Variants in RNF126 observed in about 807,000 individuals in gnomAD.
The protein encoded by RNF126 is ring finger protein 126, also known as E3 ubiquitin-protein ligase RNF126.
In RNF126, 20 loss-of-function variants were observed where a neutral mutation model predicts 41.9. The ratio of observed to expected loss-of-function variants is 0.48; its 90% CI spans 0.34 to 0.69. RNF126 has a LOEUF of 0.69. RNF126 is among the 30% of genes least tolerant of loss of function. The probability of loss-of-function intolerance (pLI) is 0.01; values close to 1 mark genes in which losing one functional copy is unlikely to be tolerated. For missense variants in RNF126, 433 were observed against 460.6 expected, an observed-to-expected ratio of 0.94 and a Z score of 0.55; for synonymous variants, 239 against 202.9, an observed-to-expected ratio of 1.18 and a Z score of -1.51.
chr19:649,011 CG>C, intron 6 of RNF126, 36 bp from the exon 7 acceptor site: 2 of 1,104,488 alleles, frequency 1.8e-6, no homozygotes, highest in Non-Finnish European at 2.4e-6. Context: ...GGGAGCTCCT[CG>C]GGGGCCCGGC....
intron 1 of RNF126, among the ~76,000 whole-genome samples, chr19:653,093 G>A (rs567619548): frequency 5.1e-4 from 78 of 152,252 alleles, no homozygotes; most frequent in South Asian, 8.3e-4. Flanking sequence ...GGTGGCTCCC[G>A]GCGATCTGAG....
chr19:649,770 C>G, intron 5 of RNF126, 22 bp from the exon 6 acceptor site: 1 of 1,552,034 alleles, frequency 6.4e-7, no homozygotes, highest in African/African-American at 1.4e-5. Flanking sequence ...AGGTGGGGTT[C>G]AAGTGGCTGA....
At chr19:656,855 G>A (rs1433337630) in intron 1 of RNF126, among the ~76,000 whole-genome samples, 1 of 152,208 alleles carries the variant, frequency 6.6e-6, no homozygotes, top group African/African-American at 2.4e-5. Context: ...CTGAACCCCT[G>A]GTTTCTGCCG....
At chr19:649,557 G>C in intron 6 of RNF126, 122 bp downstream of exon 6, 1 of 745,634 alleles carries the variant, frequency 1.3e-6, no homozygotes, top group South Asian at 1.7e-5. Flanking sequence ...GAGCGTGGAG[G>C]CTGTGCCCGC....
At chr19:651,527 G>T in intron 4 of RNF126, 84 bp downstream of exon 4, 3 of 1,307,518 alleles carry the variant, frequency 2.3e-6, no homozygotes, top group Non-Finnish European at 2.9e-6. Context: ...CCACGTTTCC[G>T]TGGAACCCGT....
chr19:649,545 C>T, intron 6 of RNF126, 134 bp downstream of exon 6: 1 of 686,144 alleles, frequency 1.5e-6, no homozygotes. Flanking sequence ...CTGTGCCCGC[C>T]AGAGCGTGGA....
At chr19:652,635 G>A in intron 2 of RNF126, 191 bp downstream of exon 2, 1 of 624,122 alleles carries the variant, frequency 1.6e-6, no homozygotes, top group Non-Finnish European at 2.8e-6. Context: ...ACTCCCCTCT[G>A]GCCCCGGCCC....
intron 1 of RNF126, among the ~76,000 whole-genome samples, chr19:653,958 C>CA (rs1169709770): frequency 1.3e-5 from 2 of 152,096 alleles, no homozygotes; most frequent in African/African-American, 4.8e-5. Context: ...CAAGGTCGAC[C>CA]CCAGGCTCTG....
chr19:660,950 C>T (rs2030775729), intron 1 of RNF126, among the ~76,000 whole-genome samples: 1 of 152,262 alleles, frequency 6.6e-6, no homozygotes, highest in African/African-American at 2.4e-5. Context: ...CGGGCAGGCC[C>T]CCGCAGCCCT....
rs1164961451 is a variant in RNF126, at chr19:650,830, G to C, written c.444-534C>G. On this transcript the variant is annotated intron_variant, in intron 4 of 8. Transcript: ENST00000292363. ...CTGGTCTCAAACTCCTGACCTCAGT[G>C]ATCTGCCCGCCTCGGCCTCCCAAAG... Among the ~76,000 whole-genome samples the C allele has an allele frequency of 2.6e-5, 4 of 152,018 alleles. No individual in the cohort carries two copies. The East Asian group carries it at 7.7e-4, about 29-fold the overall frequency.
intron 1 of RNF126, among the ~76,000 whole-genome samples, chr19:660,416 C>T (rs903686171): frequency 6.6e-6 from 1 of 152,212 alleles, no homozygotes; most frequent in Non-Finnish European, 1.5e-5. Flanking sequence ...GCAGCCAGTC[C>T]CCCCTGCGTC....
chr19:651,418 C>G, intron 4 of RNF126, 193 bp downstream of exon 4: 1 of 497,246 alleles, frequency 2.0e-6, no homozygotes, highest in Non-Finnish European at 3.3e-6. Context: ...CCCACACACC[C>G]TGAACCGGCA....
intron 2 of RNF126, 181 bp downstream of exon 2, chr19:652,645 C>A: frequency 1.6e-6 from 1 of 633,678 alleles, no homozygotes; most frequent in Non-Finnish European, 2.8e-6. Flanking sequence ...GGCCCCGGCC[C>A]GGCCATCACA....
chr19:650,504 A>T lies in RNF126; in HGVS notation c.444-208T>A, dbSNP rs190000476. On this transcript the variant is annotated intron_variant, in intron 4 of 8. Coordinates refer to ENST00000292363, the MANE Select transcript of RNF126 (RefSeq NM_194460.3). The stretch of plus-strand genomic sequence containing the variant: ...TTGATCTTGGTTCACTGCAGCCCCA[A>T]CCTGCTGGGCTTAAGCGATCCTCCC... 5 of 459,726 alleles carry T rather than the reference A, an allele frequency of 1.1e-5. No homozygotes were observed. The Admixed American group carries it at 1.9e-4, about 18-fold the overall frequency. 28.5% of individuals were successfully genotyped at this position (459,726 alleles called of 1,614,324 possible).
intron 1 of RNF126, 92 bp from the exon 2 acceptor site, chr19:652,976 C>A: frequency 8.1e-7 from 1 of 1,236,328 alleles, no homozygotes; most frequent in Admixed American, 2.0e-5. Flanking sequence ...CCGGACCCAG[C>A]GGTCTCTGGC....
Position 647,905 on chromosome 19 carries a change from G to A in RNF126, c.*223C>T, listed in dbSNP as rs758776393. ...GTTTAGAGGGTGAGGTTAGACAGAGGACGGGGAGGCTGGGGACGCCCCAGA... is the reference window on the plus strand; with the variant it reads ...GTTTAGAGGGTGAGGTTAGACAGAGAACGGGGAGGCTGGGGACGCCCCAGA... On this transcript the variant is annotated 3_prime_UTR_variant, in exon 9 of 9. Transcript: ENST00000292363. 34 of 638,726 alleles carry A rather than the reference G, an allele frequency of 5.3e-5. No individual in the cohort carries two copies. The highest frequency in any genetic ancestry group is 2.5e-4 in the South Asian group (14 of 56,862). The allele number at this position is 638,726 out of a possible 1,614,324, so 39.6% of individuals were successfully genotyped here. A position where few individuals can be genotyped will look rare whatever the true frequency, so the allele number is the denominator to read the frequency against.
intron 4 of RNF126, 121 bp downstream of exon 4, chr19:651,490 G>A: frequency 9.5e-7 from 1 of 1,048,488 alleles, no homozygotes; most frequent in Non-Finnish European, 1.3e-6. Context: ...TGGCCGGGCG[G>A]CCTCTCCAGA....
intron 1 of RNF126, among the ~76,000 whole-genome samples, chr19:662,794 C>A (rs1568196703): frequency 6.6e-6 from 1 of 152,140 alleles, no homozygotes; most frequent in Non-Finnish European, 1.5e-5. Context: ...GCCGCGATCC[C>A]GCTGCGCCGC....
chr19:658,764 C>T (rs958624363), intron 1 of RNF126, among the ~76,000 whole-genome samples: 2 of 152,200 alleles, frequency 1.3e-5, no homozygotes, highest in African/African-American at 4.8e-5. Flanking sequence ...GGGCGTGCCT[C>T]GGCCCAGGCC....
Sources: gnomAD v4.1 joint callset for allele counts (sites outside exome capture counted in the v4.1 genomes callset) on GRCh38, gnomAD v4.1.1 for gene constraint, MANE v1.5 for transcripts, NCBI Gene and HGNC (gene_info 2026-07-23, HGNC 2026-07-21) for gene names.